F5: variants seen among roughly 807,000 people sequenced by gnomAD.
The protein encoded by F5 is activated protein c cofactor.
F5 carries 138 observed loss-of-function variants against 216.4 expected under a neutral mutation model. The observed-to-expected ratio is 0.64, with a 90% CI of 0.56 to 0.73. F5 has a LOEUF of 0.73. F5 is among the 30% of genes least tolerant of loss of function. The pLI, the probability that F5 is intolerant of heterozygous loss-of-function variation, is 0.00. For missense variants in F5, 2,403 were observed against 2,674.0 expected (o/e 0.90, Z 2.24); for synonymous variants, 916 against 930.7 (o/e 0.98, Z 0.29).
chr1:169,529,349 TTTG>T (rs1291632002), intron 16 of F5, among the ~76,000 whole-genome samples: 1 of 152,178 alleles, frequency 6.6e-6, no homozygotes, highest in Non-Finnish European at 1.5e-5. Context: ...ACACTGGCTT[TTTG>T]TTGTTGTGGT....
rs757871808 is a variant in F5, at chr1:169,550,629, A to C, written c.1396+11T>G. 3 of 1,605,668 alleles carry C rather than the reference A, an allele frequency of 1.9e-6. No homozygotes were observed. The highest frequency in any genetic ancestry group is 3.3e-5 in the Admixed American group (2 of 59,996). On this transcript the variant is annotated intron_variant, in intron 9 of 24. Transcript: ENST00000367797. Reference sequence around the variant, plus strand: ...TACTAGTTGGATTCAGTAGAAGTGAAAGATTCAAACCTGAGGTGAAAGAAG... The same window carrying C: ...TACTAGTTGGATTCAGTAGAAGTGACAGATTCAAACCTGAGGTGAAAGAAG...
chr1:169,546,632 C>G, intron 10 of F5, 40 bp from the exon 11 acceptor site: 1 of 1,574,456 alleles, frequency 6.4e-7, no homozygotes, highest in South Asian at 1.1e-5. Flanking sequence ...CAAGAACAGA[C>G]GCATAGACCA....
chr1:169,535,319 T>C (rs927618711), intron 14 of F5, among the ~76,000 whole-genome samples: 1 of 152,216 alleles, frequency 6.6e-6, no homozygotes, highest in African/African-American at 2.4e-5. Flanking sequence ...TTGTTACTTA[T>C]CCTGTCTTTA....
chr1:169,573,239 C>T (rs185477137), intron 2 of F5, among the ~76,000 whole-genome samples: 5 of 148,006 alleles, frequency 3.4e-5, no homozygotes, highest in East Asian at 1.9e-4. Flanking sequence ...TGAGCCACCA[C>T]GCCTCGTCTA....
At chr1:169,555,960 G>C (rs1660314424) in intron 6 of F5, among the ~76,000 whole-genome samples, 1 of 152,094 alleles carries the variant, frequency 6.6e-6, no homozygotes, top group Non-Finnish European at 1.5e-5. Flanking sequence ...GTAACAAAAT[G>C]ATTTCCTATT....
Position 169,541,183 on chromosome 1 carries a change from G to C in F5, c.3907C>G (p.Leu1303Val). 1 of 1,611,350 alleles carries C rather than the reference G, an allele frequency of 6.2e-7. No individual in the cohort carries two copies. The highest frequency in any genetic ancestry group is 8.5e-7 in the Non-Finnish European group (1 of 1,179,074). The part of the protein sequence containing the change: ...NLSPELSHMT[L>V]SPELSQTNLS... ...TTTGTCTGACTGAGTTCTGGAGAGA[G>C]AGTCATATGGCTGAGTTCTGGAGAG... The change falls in exon 13 of 25, where the codon CTC (leucine) becomes GTC (valine). Residue 1303 changes from leucine (L) to valine (V), a missense_variant. This residue lies in a region of F5 where 26 missense variants were observed against 60.6 expected (regional missense o/e 0.43). Coordinates refer to ENST00000367797, the MANE Select transcript of F5 (RefSeq NM_000130.5).
At chr1:169,514,897 A>G (rs1404037819) in intron 24 of F5, among the ~76,000 whole-genome samples, 1 of 152,170 alleles carries the variant, frequency 6.6e-6, no homozygotes, top group Non-Finnish European at 1.5e-5. Context: ...TAGCTGTATG[A>G]CTGAACAAGT....
At chr1:169,571,697 G>C (rs571794880) in intron 3 of F5, among the ~76,000 whole-genome samples, 1 of 152,032 alleles carries the variant, frequency 6.6e-6, no homozygotes, top group East Asian at 1.9e-4. Context: ...TGTCAGAGGC[G>C]GTCTTACTCT....
In F5 at chr1:169,544,434, A is replaced by G. The variant is rs1453479152; in HGVS notation, c.1837T>C (p.Cys613Arg). The G allele has an allele frequency of 2.5e-6, 4 of 1,614,076 alleles. No individual in the cohort carries two copies. Among genetic ancestry groups the G allele is most frequent in the Non-Finnish European group, 3.4e-6 (4 of 1,180,030 alleles). The change falls in exon 12 of 25, where the codon TGT (cysteine) becomes CGT (arginine). Residue 613 changes from cysteine to arginine, a missense_variant. Coordinates refer to ENST00000367797, the MANE Select transcript of F5 (RefSeq NM_000130.5). ...ATTTCATTCTGGGTCCCCACACTAC[A>G]GAAGTGCCACTGGACAGTGTCATCA... ...CFDDTVQWHF[C>R]SVGTQNEILT...
At chr1:169,585,506 G>C (rs1427875125) in intron 1 of F5, among the ~76,000 whole-genome samples, 2 of 151,894 alleles carry the variant, frequency 1.3e-5, no homozygotes, top group Non-Finnish European at 2.9e-5. Flanking sequence ...ATTTCAATTA[G>C]AAAAAATAGT....
chr1:169,553,129 C>A (rs773900888), intron 7 of F5, among the ~76,000 whole-genome samples: 3 of 152,138 alleles, frequency 2.0e-5, no homozygotes, highest in Non-Finnish European at 4.4e-5. Context: ...TTCTTAATCC[C>A]TAAAAGCAAC....
Position 169,546,484 on chromosome 1 carries a change from T to G in F5, c.1720A>C (p.Lys574Gln), listed in dbSNP as rs776106057. ...NKFCENPDEV[K>Q]RDDPKFYESN... ...TCATAAAACTTGGGGTCATCACGTT[T>G]CACCTCATCAGGATTTTCACAAAAC... The change falls in exon 11 of 25, where the codon AAA becomes CAA. Residue 574 changes from lysine to glutamine, a missense_variant. Physicochemically the swap from Lys to Gln is moderately conservative, Grantham distance 53. Transcript: ENST00000367797. 4.3e-6 allele frequency: 7 copies of G among 1,614,176 alleles called. No homozygotes were observed. The South Asian group carries it at 7.7e-5, about 18-fold the overall frequency.
At chr1:169,563,780 T>C (rs1660537038) in intron 3 of F5, among the ~76,000 whole-genome samples, 1 of 151,986 alleles carries the variant, frequency 6.6e-6, no homozygotes, top group Non-Finnish European at 1.5e-5. Context: ...TGCTCATGCT[T>C]TTCTCTGCTT....
intron 8 of F5, among the ~76,000 whole-genome samples, chr1:169,552,249 A>C (rs1028113916): frequency 1.3e-5 from 2 of 152,188 alleles, no homozygotes; most frequent in Non-Finnish European, 2.9e-5. Context: ...TTAGGACAAA[A>C]TTTGAAGACA....
chr1:169,552,803 T>C, intron 7 of F5, 69 bp from the exon 8 acceptor site: 3 of 1,203,214 alleles, frequency 2.5e-6, no homozygotes, highest in Middle Eastern at 2.8e-4. Context: ...GGGGAAACCC[T>C]TGTGCTTAAA....
chr1:169,535,536 G>A (rs193038164), intron 14 of F5, among the ~76,000 whole-genome samples: 12 of 152,164 alleles, frequency 7.9e-5, no homozygotes, highest in Admixed American at 2.0e-4. Context: ...TCCATCCCCC[G>A]TTCCCTTTTG....
chr1:169,553,107 T>A (rs1304854449), intron 7 of F5, among the ~76,000 whole-genome samples: 3 of 152,200 alleles, frequency 2.0e-5, no homozygotes, highest in Admixed American at 6.5e-5. Flanking sequence ...GCCTTTTTGG[T>A]TTTAAAGGTA....
chr1:169,582,722 C>T (rs41272463), intron 1 of F5, among the ~76,000 whole-genome samples, 200 bp from the exon 2 acceptor site: 64 of 152,116 alleles, frequency 4.2e-4, no homozygotes, highest in Non-Finnish European at 8.1e-4. Context: ...CAAAAATATC[C>T]TGTTGTGATA....
chr1:169,577,077 A>C (rs1660867830), intron 2 of F5, among the ~76,000 whole-genome samples: 1 of 152,202 alleles, frequency 6.6e-6, no homozygotes, highest in Non-Finnish European at 1.5e-5. Flanking sequence ...TCCAACAGCC[A>C]GATGGCCTAA....
Sources: gnomAD v4.1 joint callset for allele counts (sites outside exome capture counted in the v4.1 genomes callset) on GRCh38, gnomAD v4.1.1 for gene constraint, gnomAD v4.1.1 regional missense constraint, MANE v1.5 for transcripts, NCBI Gene and HGNC (gene_info 2026-07-23, HGNC 2026-07-21) for gene names.